The following ULK4 variants were observed in gnomAD, a reference collection of about 807,000 sequenced individuals.
ULK4 encodes the protein inactive serine/threonine-protein kinase ULK4.
A neutral mutation model predicts 160.6 loss-of-function variants in ULK4; 133 were observed. The ratio of observed to expected loss-of-function variants is 0.83; its 90% CI spans 0.72 to 0.96. ULK4 has a LOEUF of 0.96. ULK4 is among the 40% of genes least tolerant of loss of function. ULK4 has a pLI of 0.00. For synonymous variants in ULK4, 534 were observed against 539.8 expected (o/e 0.99, Z 0.15); for missense variants, 1,580 against 1,499.5 (o/e 1.05, Z -0.89).
chr3:41,935,289 C>T (rs947380230), intron 4 of ULK4, among the ~76,000 whole-genome samples: 1 of 146,956 alleles, frequency 6.8e-6, no homozygotes, highest in African/African-American at 2.6e-5. Flanking sequence ...TGCAGTGGCA[C>T]GAACTCAGCT....
chr3:41,272,248 G>A (rs986081262), intron 35 of ULK4, among the ~76,000 whole-genome samples: 1 of 151,408 alleles, frequency 6.6e-6, no homozygotes, highest in Non-Finnish European at 1.5e-5. Flanking sequence ...TTTTCCTTCT[G>A]CCTGAAGGGC....
chr3:41,761,888 C>A (rs1457226703), intron 21 of ULK4, among the ~76,000 whole-genome samples: 1 of 151,880 alleles, frequency 6.6e-6, no homozygotes, highest in Non-Finnish European at 1.5e-5. Context: ...CCAGCCTGGG[C>A]AACACAGCAA....
chr3:41,523,523 A>G (rs2086006931), intron 32 of ULK4, among the ~76,000 whole-genome samples: 1 of 152,200 alleles, frequency 6.6e-6, no homozygotes, highest in Admixed American at 6.5e-5. Flanking sequence ...ATTTTATTAC[A>G]ATAAAAAATA....
chr3:41,266,398 AT>A (rs906229034), intron 35 of ULK4, among the ~76,000 whole-genome samples: 1 of 152,100 alleles, frequency 6.6e-6, no homozygotes, highest in South Asian at 2.1e-4. Flanking sequence ...CTGCTTACAC[AT>A]TTTTTTGCAG....
chr3:41,944,569 G>A (rs1197258509), intron 2 of ULK4, among the ~76,000 whole-genome samples: 1 of 152,024 alleles, frequency 6.6e-6, no homozygotes, highest in East Asian at 1.9e-4. Context: ...CCTTAAGGAT[G>A]GCCTCTACCT....
At chr3:41,267,014 C>T (rs1183469748) in intron 35 of ULK4, among the ~76,000 whole-genome samples, 2 of 91,126 alleles carry the variant, frequency 2.2e-5, no homozygotes, top group East Asian at 3.1e-4. Flanking sequence ...ATCTGTGTCT[C>T]TATTGGGGGG....
rs1192444773 is a variant in ULK4 at position 41,721,362 on chromosome 3, A to AT, written c.2322-3502dup. On this transcript the variant is annotated intron_variant, in intron 22 of 36. Coordinates refer to ENST00000301831, the MANE Select transcript of ULK4 (RefSeq NM_017886.4). ...TATATATATATATATATATATATAT[A>AT]TTTTTTTTTTTTTTTTTTTGAAACG... Among the ~76,000 whole-genome samples, 253 of 27,960 alleles carry AT rather than the reference A, an allele frequency of 9.0e-3. 11 individuals carry two copies. The highest frequency in any genetic ancestry group is 0.019 in the East Asian group (19 of 986). The allele number at this position is 27,960 out of a possible 152,430, so 18.3% of individuals were successfully genotyped here.
chr3:41,682,969 A>G (rs1336094326), intron 27 of ULK4, among the ~76,000 whole-genome samples: 1 of 152,154 alleles, frequency 6.6e-6, no homozygotes, highest in Non-Finnish European at 1.5e-5. Flanking sequence ...ACGAATAAAC[A>G]TGGCCAAAAA....
Position 41,746,272 on chromosome 3 carries a change from C to CAAAAAAAAAAAAAAA in ULK4, c.2321+8074_2321+8088dup, listed in dbSNP as rs34582395. 1.2e-3 allele frequency among the ~76,000 whole-genome samples: 53 copies of CAAAAAAAAAAAAAAA among 45,716 alleles called. 2 individuals carry two copies. Among genetic ancestry groups the CAAAAAAAAAAAAAAA allele is most frequent in the African/African-American group, 5.3e-3 (50 of 9,402 alleles). 30.0% of individuals were successfully genotyped at this position (45,716 alleles called of 152,430 possible). On this transcript the variant is annotated intron_variant, in intron 22 of 36. Coordinates refer to ENST00000301831, the MANE Select transcript of ULK4 (RefSeq NM_017886.4). Reference sequence around the variant, plus strand: ...TATATAGAAAATCTCCTGGAACCCACAAAAAAAAAAAAAAAAAAAAAAAAC... The same window carrying CAAAAAAAAAAAAAAA: ...TATATAGAAAATCTCCTGGAACCCACAAAAAAAAAAAAAAAAAAAAAAAAAAAAAAAAAAAAAAAC...
intron 23 of ULK4, 113 bp downstream of exon 23, chr3:41,717,615 T>C (rs1474484388): frequency 3.1e-6 from 4 of 1,309,360 alleles, no homozygotes; most frequent in Non-Finnish European, 4.2e-6. Flanking sequence ...AAAAAGTGTC[T>C]GCATTTGCCT....
chr3:41,305,359 TGCCTGCGATTGCAGGCTCGAGC>T (rs2079886519), intron 35 of ULK4, among the ~76,000 whole-genome samples: 1 of 152,212 alleles, frequency 6.6e-6, no homozygotes, highest in Non-Finnish European at 1.5e-5. Context: ...GCATGCTGAG[TGCCTGCGATTGCAGGCTCGAGC>T]CGCCACGCCT....
intron 35 of ULK4, among the ~76,000 whole-genome samples, chr3:41,349,245 C>A (rs1559537851): frequency 1.3e-5 from 2 of 152,206 alleles, no homozygotes; most frequent in Admixed American, 6.5e-5. Context: ...ATCCATCTAT[C>A]CTTCCATTCA....
chr3:41,869,717 C>T (rs1427204654), intron 17 of ULK4, among the ~76,000 whole-genome samples: 1 of 152,190 alleles, frequency 6.6e-6, no homozygotes, highest in Non-Finnish European at 1.5e-5. Context: ...TATTTTGCTT[C>T]TACTTATGTT....
At chr3:41,733,652 C>T (rs1055753765) in intron 22 of ULK4, among the ~76,000 whole-genome samples, 1 of 149,078 alleles carries the variant, frequency 6.7e-6, no homozygotes, top group Non-Finnish European at 1.5e-5. Flanking sequence ...CCCAAAAAGA[C>T]TTTTTTAGAC....
rs554217469 is a variant in ULK4, at chr3:41,671,308, T to A, written c.2979-7609A>T. Reference sequence around the variant, plus strand: ...AGCAATCCTGAGCAAAAAGAACAAATCTAGAAGCATCACACTACCTGACTT... The same window carrying A: ...AGCAATCCTGAGCAAAAAGAACAAAACTAGAAGCATCACACTACCTGACTT... On this transcript the variant is annotated intron_variant, in intron 29 of 36. Transcript: ENST00000301831. 1.4e-4 allele frequency among the ~76,000 whole-genome samples: 21 copies of A among 151,778 alleles called. No homozygotes were observed. In the South Asian group the frequency reaches 4.4e-3, roughly 32 times the overall value.
chr3:41,957,948 G>A (rs759983237), intron 1 of ULK4, among the ~76,000 whole-genome samples: 1 of 151,680 alleles, frequency 6.6e-6, no homozygotes, highest in African/African-American at 2.4e-5. Context: ...GGAGACTGAG[G>A]CAGGAGGATA....
At chr3:41,955,157 A>G (rs1439931712) in intron 1 of ULK4, among the ~76,000 whole-genome samples, 3 of 152,034 alleles carry the variant, frequency 2.0e-5, no homozygotes, top group Non-Finnish European at 4.4e-5. Flanking sequence ...AGGTGTTGTG[A>G]TGCGCGCCTG....
chr3:41,637,274 A>G (rs747271463), intron 30 of ULK4, among the ~76,000 whole-genome samples: 6 of 152,178 alleles, frequency 3.9e-5, no homozygotes, highest in Non-Finnish European at 7.3e-5. Flanking sequence ...CATTCCACAT[A>G]TAAGTGAGAT....
chr3:41,736,419 G>C (rs1294194080), intron 22 of ULK4, among the ~76,000 whole-genome samples: 3 of 151,914 alleles, frequency 2.0e-5, no homozygotes, highest in Non-Finnish European at 4.4e-5. Context: ...CTGCGGTTTT[G>C]ATTTGCATTT....
Sources: allele counts gnomAD v4.1 joint callset (sites outside exome capture counted in the v4.1 genomes callset), GRCh38; gene constraint gnomAD v4.1.1; transcripts MANE v1.5; gene names NCBI Gene and HGNC (gene_info 2026-07-23, HGNC 2026-07-21).